The following EVI2B variants were observed in gnomAD, a reference collection of about 807,000 sequenced individuals.
EVI2B encodes the protein ecotropic viral integration site 2B.
Under a neutral mutation model 6.6 loss-of-function variants are expected in EVI2B, and 4 were observed. That is an observed-to-expected ratio of 0.61 (90% CI 0.30 to 1.39). The LOEUF (loss-of-function observed/expected upper bound fraction) is 1.39. Among genes scored for constraint, EVI2B ranks in the 40% most tolerant of loss-of-function variants. EVI2B has a pLI of 0.08. For synonymous variants in EVI2B, 181 were observed against 186.8 expected, an observed-to-expected ratio of 0.97 and a Z score of 0.25; for missense variants, 484 against 516.6, an observed-to-expected ratio of 0.94 and a Z score of 0.61.
rs2068687034 is a variant in EVI2B, at chr17:31,305,325, A to G, written c.285T>C (p.His95=). Residue 95 remains histidine, a synonymous_variant, in exon 2 of 2, where the codon CAT becomes CAC. Coordinates refer to ENST00000330927, the MANE Select transcript of EVI2B (RefSeq NM_006495.4). ...AGGCAAGTGGTTGTCCAGCAGAAGT[A>G]TGTGCTTCTGGTTTTTCAGAAGAGG... ...VYTSSEKPEA[H]TSAGQPLAYN... is the part of the protein sequence containing the mutation. 1 of 1,614,128 alleles carries G rather than the reference A, an allele frequency of 6.2e-7. No individual in the cohort carries two copies. Among genetic ancestry groups the G allele is most frequent in the Non-Finnish European group, 8.5e-7 (1 of 1,180,018 alleles).
intron 1 of EVI2B, among the ~76,000 whole-genome samples, chr17:31,313,198 T>A (rs1209533635): frequency 1.3e-5 from 2 of 152,186 alleles, no homozygotes; most frequent in Admixed American, 6.5e-5. Flanking sequence ...TGACCATTCT[T>A]ACTATGCAAA....
chr17:31,305,205 G>A lies in EVI2B; in HGVS notation c.405C>T (p.Thr135=). 2.5e-6 allele frequency: 4 copies of A among 1,614,154 alleles called. No individual in the cohort carries two copies. The highest frequency in any genetic ancestry group is 3.4e-6 in the Non-Finnish European group (4 of 1,180,028). ...AGACAAATGACTTTGGTGGTTGTGT[G>A]GTAGAAGTACGGGCAGATGGTAGTT... ...ARQLPSARTS[T]TQPPKSFVYT... Residue 135 remains threonine (T), a synonymous_variant, in exon 2 of 2, where the codon ACC becomes ACT. Coordinates refer to ENST00000330927, the MANE Select transcript of EVI2B (RefSeq NM_006495.4).
At chr17:31,306,309 A>T (rs1424520247) in intron 1 of EVI2B, among the ~76,000 whole-genome samples, 1 of 151,580 alleles carries the variant, frequency 6.6e-6, no homozygotes, top group Non-Finnish European at 1.5e-5. Flanking sequence ...TTATGCCACA[A>T]TTCCTAAACC....
intron 1 of EVI2B, among the ~76,000 whole-genome samples, chr17:31,310,352 C>G (rs1469515465): frequency 6.8e-6 from 1 of 147,304 alleles, no homozygotes; most frequent in Non-Finnish European, 1.5e-5. Flanking sequence ...AGTTAATAAA[C>G]AGGTGAAAAA....
intron 1 of EVI2B, among the ~76,000 whole-genome samples, chr17:31,313,245 A>C (rs2068927777): frequency 6.6e-6 from 1 of 152,336 alleles, no homozygotes; most frequent in East Asian, 1.9e-4. Flanking sequence ...TATGCATTAT[A>C]TTATGTACAG....
rs1460555896 is a variant in EVI2B, at chr17:31,305,071, C to T, written c.539G>A (p.Ser180Asn). Residue 180 changes from serine (S) to asparagine (N), a missense_variant, in exon 2 of 2, where the codon AGT (serine) becomes AAT (asparagine). By Grantham distance (46) the Ser-to-Asn change is conservative (BLOSUM62 1). Transcript: ENST00000330927. ...AGTATCTAAGATAAATCCTGGTGTA[C>T]TCCTAGGTGAATTTTTGACAGTTGA... is the stretch of plus-strand genomic sequence containing the variant. ...PTSTVKNSPR[S>N]TPGFILDTTS... is the part of the protein sequence containing the mutation. 8.7e-6 allele frequency: 14 copies of T among 1,614,070 alleles called. No homozygotes were observed. Among genetic ancestry groups the T allele is most frequent in the Non-Finnish European group, 1.2e-5 (14 of 1,180,026 alleles).
chr17:31,304,817 T>G lies in EVI2B; in HGVS notation c.793A>C (p.Lys265Gln). The G allele has an allele frequency of 6.2e-7, 1 of 1,614,064 alleles. No homozygotes were observed. ...GTAAGTGAAATGATTGATGTACGTT[T>G]TGTGGATATTTCATTTTCTCTGATG... Reference protein sequence around the residue: ...DNIRENEISTKRTSIISLTPW... With the variant: ...DNIRENEISTQRTSIISLTPW... The change falls in exon 2 of 2, where the codon AAA becomes CAA. Residue 265 changes from lysine to glutamine, a missense_variant. By Grantham distance (53) the Lys-to-Gln change is moderately conservative. Coordinates refer to ENST00000330927, the MANE Select transcript of EVI2B (RefSeq NM_006495.4).
chr17:31,306,863 G>C lies in EVI2B; in HGVS notation c.-21-1233C>G, dbSNP rs113966761. Among the ~76,000 whole-genome samples the C allele has an allele frequency of 8.5e-3, 1,286 of 151,850 alleles. 27 individuals carry two copies. The highest frequency in any genetic ancestry group is 0.03 in the African/African-American group (1,228 of 41,438). On this transcript the variant is annotated intron_variant, in intron 1 of 1. Coordinates refer to ENST00000330927, the MANE Select transcript of EVI2B (RefSeq NM_006495.4). The stretch of plus-strand genomic sequence containing the variant: ...CAGATTCTAGTGATAGAAGCAAACA[G>C]TAAAGGCCAGGCGTAGTGGCTCATT...
intron 1 of EVI2B, among the ~76,000 whole-genome samples, chr17:31,310,876 CAT>C (rs1441924187): frequency 6.6e-6 from 1 of 151,066 alleles, no homozygotes; most frequent in African/African-American, 2.4e-5. Context: ...AAAAGAAAAA[CAT>C]AAATTTAAAC....
chr17:31,310,451 G>A lies in EVI2B; in HGVS notation c.-22+3528C>T, dbSNP rs973358757. On this transcript the variant is annotated intron_variant, in intron 1 of 1. Transcript: ENST00000330927. Reference sequence around the variant, plus strand: ...TTGGGGGTGGGGGGAGATGATTGAAGTAGATGAAAGAAGCAACGGCAAAAT... The same window carrying A: ...TTGGGGGTGGGGGGAGATGATTGAAATAGATGAAAGAAGCAACGGCAAAAT... 3.3e-5 allele frequency among the ~76,000 whole-genome samples: 5 copies of A among 152,226 alleles called. No homozygotes were observed. In the Middle Eastern group the frequency reaches 0.01, roughly 311 times the overall value.
At chr17:31,311,688 C>CT (rs2068880715) in intron 1 of EVI2B, among the ~76,000 whole-genome samples, 1 of 152,104 alleles carries the variant, frequency 6.6e-6, no homozygotes, top group Non-Finnish European at 1.5e-5. Context: ...TTTTTTCATC[C>CT]TACAGATAAG....
At chr17:31,310,808 T>C (rs1306253504) in intron 1 of EVI2B, among the ~76,000 whole-genome samples, 1 of 152,218 alleles carries the variant, frequency 6.6e-6, no homozygotes, top group Non-Finnish European at 1.5e-5. Flanking sequence ...GCTGGCACTT[T>C]GAGGTTTAAA....
intron 1 of EVI2B, among the ~76,000 whole-genome samples, chr17:31,310,065 T>C (rs966529920): frequency 4.6e-5 from 7 of 152,148 alleles, no homozygotes; most frequent in African/African-American, 1.4e-4. Context: ...CTGACTTTTT[T>C]CCCAGCGGTA....
chr17:31,304,591 G>C lies in EVI2B; in HGVS notation c.1019C>G (p.Pro340Arg), dbSNP rs17884293. Reference protein sequence around the residue: ...VSSSDDADLPPPPPLLDLEGQ... With the variant: ...VSSSDDADLPRPPPLLDLEGQ... ...TTCCAAATCCAGAAGGGGAGGTGGT[G>C]GAGGCAGATCTGCATCATCTGAAGA... Residue 340 changes from proline (P) to arginine (R), a missense_variant, in exon 2 of 2, where the codon CCA becomes CGA. By Grantham distance (103) the Pro-to-Arg change is moderately radical (BLOSUM62 -2). Transcript: ENST00000330927. 586 of 1,614,132 alleles carry C rather than the reference G, an allele frequency of 3.6e-4. 2 individuals carry two copies. In the African/African-American group the frequency reaches 7.0e-3, roughly 19 times the overall value.
chr17:31,307,725 T>C (rs1597804495), intron 1 of EVI2B, among the ~76,000 whole-genome samples: 1 of 152,228 alleles, frequency 6.6e-6, no homozygotes, highest in East Asian at 1.9e-4. Flanking sequence ...TCAAACACAA[T>C]GGCAACTATT....
At chr17:31,307,336 T>C (rs2068751954) in intron 1 of EVI2B, among the ~76,000 whole-genome samples, 1 of 152,212 alleles carries the variant, frequency 6.6e-6, no homozygotes, top group Non-Finnish European at 1.5e-5. Flanking sequence ...AATAATTTGA[T>C]AAGCTTTCTC....
At chr17:31,312,056 ATT>A (rs550188584) in intron 1 of EVI2B, among the ~76,000 whole-genome samples, 7 of 150,158 alleles carry the variant, frequency 4.7e-5, no homozygotes, top group Non-Finnish European at 8.9e-5. Flanking sequence ...TTTTGTGGTG[ATT>A]TTTTTTTTAA....
rs1391742279 is a variant in EVI2B, at chr17:31,305,168, G to C, written c.442C>G (p.Gln148Glu). Residue 148 changes from glutamine (Q) to glutamate (E), a missense_variant, in exon 2 of 2, where the codon CAA becomes GAA. By Grantham distance (29) the Gln-to-Glu change is conservative (BLOSUM62 2). Coordinates refer to ENST00000330927, the MANE Select transcript of EVI2B (RefSeq NM_006495.4). The stretch of plus-strand genomic sequence containing the variant: ...GGGATCTGGACAGATGATGATTGTT[G>C]AGTAAAAGTATAGACAAATGACTTT... ...PPKSFVYTFT[Q>E]QSSSVQIPSR... 1 of 1,614,036 alleles carries C rather than the reference G, an allele frequency of 6.2e-7. No individual in the cohort carries two copies. The highest frequency in any genetic ancestry group is 1.3e-5 in the African/African-American group (1 of 74,914).
chr17:31,313,859 A>G, intron 1 of EVI2B, 120 bp downstream of exon 1: 1 of 391,328 alleles, frequency 2.6e-6, no homozygotes, highest in Non-Finnish European at 4.5e-6. Flanking sequence ...ACAAAACCAC[A>G]AAAACCTGTT....
Sources: allele counts gnomAD v4.1 joint callset (sites outside exome capture counted in the v4.1 genomes callset), GRCh38; gene constraint gnomAD v4.1.1; transcripts MANE v1.5; gene names NCBI Gene and HGNC (gene_info 2026-07-23, HGNC 2026-07-21).